Variants in PARD3 observed in about 807,000 individuals in gnomAD.
PARD3 encodes the protein partitioning defective 3 homolog.
In PARD3, 75 loss-of-function variants were observed where a neutral mutation model predicts 155.4. The observed-to-expected ratio is 0.48, with a 90% CI of 0.40 to 0.58. The LOEUF is 0.58. PARD3 is among the 20% of genes least tolerant of loss of function. The probability of loss-of-function intolerance (pLI) is 0.00; values close to 1 mark genes in which losing one functional copy is unlikely to be tolerated. For synonymous variants in PARD3, 576 were observed against 610.5 expected (o/e 0.94, Z 0.83); for missense variants, 1,642 against 1,721.7 (o/e 0.95, Z 0.82).
rs201762519 is a variant in PARD3, at chr10:34,119,675, C to T, written c.3606G>A (p.Arg1202=). 6.2e-7 allele frequency: 1 copy of T among 1,612,550 alleles called. No homozygotes were observed. The highest frequency in any genetic ancestry group is 1.1e-5 in the South Asian group (1 of 90,908). Residue 1202 remains arginine (R), a synonymous_variant, in exon 24 of 25, where the codon CGG becomes CGA. Coordinates refer to ENST00000374788, the MANE Select transcript of PARD3 (RefSeq NM_001184785.2). ...HSVSVEVQMQ[R]QRQEERESSQ... ...AGCTCTCGCGCTCCTCCTGCCGCTG[C>T]CGCTGCATCTGCACCTCCACGGACA...
chr10:34,136,683 T>C (rs984044101), intron 22 of PARD3, among the ~76,000 whole-genome samples: 1 of 152,050 alleles, frequency 6.6e-6, no homozygotes, highest in Admixed American at 6.5e-5. Context: ...GAGAGGAAAA[T>C]ACAGTCGCTC....
intron 1 of PARD3, among the ~76,000 whole-genome samples, chr10:34,757,869 C>A (rs779738683): frequency 6.6e-6 from 1 of 152,094 alleles, no homozygotes; most frequent in Non-Finnish European, 1.5e-5. Flanking sequence ...CCCATTTTGT[C>A]CTTGCACTGG....
chr10:34,752,289 AGT>A (rs1241211721), intron 1 of PARD3, among the ~76,000 whole-genome samples: 1 of 151,750 alleles, frequency 6.6e-6, no homozygotes, highest in Non-Finnish European at 1.5e-5. Context: ...AAAAAAAAAA[AGT>A]AAGATAAAAA....
At chr10:34,665,532 A>T (rs1013277982) in intron 2 of PARD3, among the ~76,000 whole-genome samples, 3 of 151,376 alleles carry the variant, frequency 2.0e-5, no homozygotes, top group East Asian at 1.9e-4. Flanking sequence ...AAAAAATTTT[A>T]AAAATTTTTA....
At chr10:34,665,846 AGAACAGAACAGAACAGAAC>A (rs1564479561) in intron 2 of PARD3, among the ~76,000 whole-genome samples, 18 of 57,824 alleles carry the variant, frequency 3.1e-4, no homozygotes, top group Middle Eastern at 0.017. Context: ...ATTAAAGAAC[AGAACAGAACAGAACAGAAC>A]AGAACAGAAC....
At chr10:34,477,561 A>G (rs1211393013) in intron 3 of PARD3, among the ~76,000 whole-genome samples, 1 of 152,202 alleles carries the variant, frequency 6.6e-6, no homozygotes, top group African/African-American at 2.4e-5. Context: ...TGCCTTTTAA[A>G]TAAGTGGAAG....
At chr10:34,263,288 T>C (rs769363672) in intron 22 of PARD3, among the ~76,000 whole-genome samples, 1 of 152,184 alleles carries the variant, frequency 6.6e-6, no homozygotes, top group Non-Finnish European at 1.5e-5. Context: ...CCAAACCTAA[T>C]GAGGCAAGTA....
intron 21 of PARD3, among the ~76,000 whole-genome samples, chr10:34,270,736 C>T (rs1490466096): frequency 6.6e-6 from 1 of 152,124 alleles, no homozygotes; most frequent in Non-Finnish European, 1.5e-5. Context: ...ATGACATCGA[C>T]TCTGTCATTT....
chr10:34,188,749 T>C (rs1319841604), intron 22 of PARD3, among the ~76,000 whole-genome samples: 2 of 145,936 alleles, frequency 1.4e-5, no homozygotes, highest in Non-Finnish European at 3.1e-5. Context: ...TTAAAATCGC[T>C]TTTTTTTTTT....
chr10:34,796,458 A>T (rs1201623425), intron 1 of PARD3, among the ~76,000 whole-genome samples: 1 of 152,182 alleles, frequency 6.6e-6, no homozygotes, highest in Non-Finnish European at 1.5e-5. Context: ...AGGGTTCAAA[A>T]AACATTTTTA....
intron 21 of PARD3, among the ~76,000 whole-genome samples, chr10:34,272,209 G>GA (rs1955647270): frequency 6.6e-6 from 1 of 152,068 alleles, no homozygotes; most frequent in South Asian, 2.1e-4. Context: ...TAAAACTTAA[G>GA]AAAAAATGTA....
chr10:34,464,446 T>A (rs755368912), intron 4 of PARD3, among the ~76,000 whole-genome samples: 5 of 152,178 alleles, frequency 3.3e-5, no homozygotes, highest in Admixed American at 6.5e-5. Flanking sequence ...AGAATTTATG[T>A]GAAACAATTA....
At chr10:34,513,891 A>C (rs1437429009) in intron 3 of PARD3, among the ~76,000 whole-genome samples, 1 of 152,184 alleles carries the variant, frequency 6.6e-6, no homozygotes, top group Non-Finnish European at 1.5e-5. Context: ...AGTTGTCACA[A>C]CCAAAAATAT....
At chr10:34,245,576 G>GAAACA (rs5784403) in intron 22 of PARD3, among the ~76,000 whole-genome samples, 81,158 of 148,078 alleles carry the variant, frequency 0.55, 22,452 homozygotes, top group Middle Eastern at 0.62. Flanking sequence ...ATACATCCCT[G>GAAACA]AAACAAAACA....
At chr10:34,573,699 T>TC (rs1326962111) in intron 2 of PARD3, among the ~76,000 whole-genome samples, 1 of 147,882 alleles carries the variant, frequency 6.8e-6, no homozygotes, top group African/African-American at 2.5e-5. Flanking sequence ...AGAACGAGAC[T>TC]CCGTCTCAAA....
At chr10:34,362,770 C>A (rs917184148) in intron 12 of PARD3, among the ~76,000 whole-genome samples, 1 of 152,200 alleles carries the variant, frequency 6.6e-6, no homozygotes, top group Non-Finnish European at 1.5e-5. Context: ...ATTGGGCTTA[C>A]GTGCCCAGCC....
chr10:34,119,891 G>C, intron 23 of PARD3, 151 bp from the exon 24 acceptor site: 1 of 699,004 alleles, frequency 1.4e-6, no homozygotes, highest in Non-Finnish European at 2.2e-6. Context: ...TGAGAAAAGT[G>C]GCATACATAT....
intron 21 of PARD3, among the ~76,000 whole-genome samples, chr10:34,273,471 T>C (rs1215803649): frequency 6.6e-6 from 1 of 152,196 alleles, no homozygotes; most frequent in Non-Finnish European, 1.5e-5. Context: ...AGGTTAGTGA[T>C]GGCTAGGGGT....
At chr10:34,507,128 C>T (rs918459461) in intron 3 of PARD3, among the ~76,000 whole-genome samples, 2 of 152,142 alleles carry the variant, frequency 1.3e-5, no homozygotes, top group African/African-American at 4.8e-5. Flanking sequence ...CTTGCATATA[C>T]ACCATTATTT....
Sources: allele counts gnomAD v4.1 joint callset (sites outside exome capture counted in the v4.1 genomes callset), GRCh38; gene constraint gnomAD v4.1.1; transcripts MANE v1.5; gene names NCBI Gene and HGNC (gene_info 2026-07-23, HGNC 2026-07-21).